The following GPC5 variants were observed in gnomAD, a reference collection of about 807,000 sequenced individuals.
The protein encoded by GPC5 is glypican-5.
Under a neutral mutation model 53.9 loss-of-function variants are expected in GPC5, and 47 were observed. The observed-to-expected ratio is 0.87, with a 90% confidence interval of 0.69 to 1.11. The LOEUF (loss-of-function observed/expected upper bound fraction) is 1.11, where lower values mean the gene tolerates loss of function less well. Among genes scored for constraint, GPC5 ranks in the 50% most tolerant of loss-of-function variants. The pLI is 0.00. For missense variants in GPC5, 748 were observed against 713.1 expected (o/e 1.05, Z -0.56); for synonymous variants, 286 against 263.3 (o/e 1.09, Z -0.84).
Position 92,003,974 on chromosome 13 carries a change from C to T in GPC5, c.1401+95917C>T, listed in dbSNP as rs370973169. 1.8e-4 allele frequency among the ~76,000 whole-genome samples: 28 copies of T among 152,180 alleles called. No homozygotes were observed. In the East Asian group the frequency reaches 1.9e-3, roughly 10 times the overall value. On this transcript the variant is annotated intron_variant, in intron 6 of 7. Transcript: ENST00000377067. ...AAAAAATTAAAAGATCCTCCTACCTCCTCACCAGGAGTTTTATGAAGTATA... is the reference window on the plus strand; with the variant it reads ...AAAAAATTAAAAGATCCTCCTACCTTCTCACCAGGAGTTTTATGAAGTATA...
At chr13:92,236,643 T>G (rs1294807535) in intron 7 of GPC5, among the ~76,000 whole-genome samples, 2 of 152,188 alleles carry the variant, frequency 1.3e-5, no homozygotes, top group African/African-American at 4.8e-5. Context: ...CTATTTTACC[T>G]TTCAACATTC....
At chr13:92,379,535 C>G (rs981979314) in intron 7 of GPC5, among the ~76,000 whole-genome samples, 3 of 151,080 alleles carry the variant, frequency 2.0e-5, no homozygotes, top group African/African-American at 7.4e-5. Flanking sequence ...TCTGTTTCCT[C>G]TGCATAGTTC....
intron 7 of GPC5, among the ~76,000 whole-genome samples, chr13:92,641,687 A>G (rs1464244136): frequency 6.6e-6 from 1 of 152,168 alleles, no homozygotes; most frequent in Admixed American, 6.6e-5. Flanking sequence ...CTGTTCCTAC[A>G]GTAGCTTTTA....
At chr13:91,773,804 C>G in intron 5 of GPC5, among the ~76,000 whole-genome samples, 1 of 152,190 alleles carries the variant, frequency 6.6e-6, no homozygotes. Flanking sequence ...CAAGTCAACA[C>G]AGAAAGCCTC....
chr13:92,495,457 C>G (rs1343273900), intron 7 of GPC5, among the ~76,000 whole-genome samples: 3 of 152,090 alleles, frequency 2.0e-5, no homozygotes, highest in Admixed American at 2.0e-4. Context: ...ATATTTTTAT[C>G]TACAGAAAAT....
In GPC5 at chr13:92,236,721, A is replaced by G. The variant is rs923382414; in HGVS notation, c.1561+91732A>G. ...GCATATCATCACGAATTAATAAAAT[A>G]CAGATGTGTATCATGTTGATTTAAC... On this transcript the variant is annotated intron_variant, in intron 7 of 7. Coordinates refer to ENST00000377067, the MANE Select transcript of GPC5 (RefSeq NM_004466.6). Among the ~76,000 whole-genome samples the G allele has an allele frequency of 2.0e-5, 3 of 152,284 alleles. No homozygotes were observed. The East Asian group carries it at 5.8e-4, about 29-fold the overall frequency.
intron 1 of GPC5, among the ~76,000 whole-genome samples, chr13:91,419,227 C>T (rs1337432480): frequency 6.6e-6 from 1 of 151,916 alleles, no homozygotes; most frequent in Non-Finnish European, 1.5e-5. Context: ...TATATTCTAG[C>T]TCTTTTGATA....
intron 6 of GPC5, among the ~76,000 whole-genome samples, chr13:92,084,729 T>C (rs775730639): frequency 2.6e-5 from 4 of 152,214 alleles, no homozygotes; most frequent in Non-Finnish European, 4.4e-5. Context: ...CAACATTTGG[T>C]ATATATTTGT....
intron 7 of GPC5, among the ~76,000 whole-genome samples, chr13:92,220,471 A>C (rs1159653735): frequency 6.6e-6 from 1 of 152,198 alleles, no homozygotes; most frequent in Admixed American, 6.5e-5. Context: ...CAGAGTTGTA[A>C]CAAAGATTAA....
chr13:92,175,791 GA>G (rs68046649), intron 7 of GPC5, among the ~76,000 whole-genome samples: 13,940 of 148,434 alleles, frequency 0.094, 775 homozygotes, highest in Non-Finnish European at 0.12. Flanking sequence ...ATTCCTCAAA[GA>G]AAAAAAAAAC....
chr13:92,346,331 G>A (rs948212063), intron 7 of GPC5, among the ~76,000 whole-genome samples: 1 of 152,156 alleles, frequency 6.6e-6, no homozygotes, highest in African/African-American at 2.4e-5. Context: ...AAATACATCT[G>A]CTTCCTAGCC....
At chr13:92,643,359 C>T (rs986915878) in intron 7 of GPC5, among the ~76,000 whole-genome samples, 16 of 152,116 alleles carry the variant, frequency 1.1e-4, no homozygotes, top group Non-Finnish European at 1.6e-4. Context: ...CCATTTGACC[C>T]AGCCATCCCA....
intron 6 of GPC5, among the ~76,000 whole-genome samples, chr13:92,062,892 C>T (rs2041136301): frequency 1.3e-5 from 2 of 152,034 alleles, no homozygotes; most frequent in South Asian, 4.2e-4. Flanking sequence ...CCCCTAATTG[C>T]TGGAGATACA....
At chr13:92,431,390 C>CTTTTTT (rs3064652) in intron 7 of GPC5, among the ~76,000 whole-genome samples, 3 of 137,342 alleles carry the variant, frequency 2.2e-5, no homozygotes, top group East Asian at 2.2e-4. Context: ...AAAGACACAG[C>CTTTTTT]TTTTTTTTTT....
intron 7 of GPC5, among the ~76,000 whole-genome samples, chr13:92,467,607 G>A (rs1878747932): frequency 6.6e-6 from 1 of 151,898 alleles, no homozygotes; most frequent in African/African-American, 2.4e-5. Context: ...TTATTTCACA[G>A]GTGAAGAAAC....
At chr13:92,554,552 A>C (rs1306580381) in intron 7 of GPC5, among the ~76,000 whole-genome samples, 1 of 151,550 alleles carries the variant, frequency 6.6e-6, no homozygotes, top group African/African-American at 2.4e-5. Context: ...TATTTTAAAA[A>C]CTTAATGAAA....
rs569973878 is a variant in GPC5, at chr13:92,510,597, A to G, written c.1562-355685A>G. 2.0e-5 allele frequency among the ~76,000 whole-genome samples: 3 copies of G among 152,304 alleles called. No individual in the cohort carries two copies. The South Asian group carries it at 6.2e-4, about 32-fold the overall frequency. Reference sequence around the variant, plus strand: ...GCCTCAGGACATTCAGTCTTCTGTTACGGAATTTATGGAATCTGAGCTCTC... The same window carrying G: ...GCCTCAGGACATTCAGTCTTCTGTTGCGGAATTTATGGAATCTGAGCTCTC... On this transcript the variant is annotated intron_variant, in intron 7 of 7. Transcript: ENST00000377067.
chr13:91,985,831 A>G (rs1465956769), intron 6 of GPC5, among the ~76,000 whole-genome samples: 1 of 152,130 alleles, frequency 6.6e-6, no homozygotes, highest in Non-Finnish European at 1.5e-5. Context: ...ACAACACCAC[A>G]TAGTGTATCT....
chr13:92,331,838 A>C (rs1053376468), intron 7 of GPC5, among the ~76,000 whole-genome samples: 1 of 152,128 alleles, frequency 6.6e-6, no homozygotes, highest in Non-Finnish European at 1.5e-5. Flanking sequence ...ATTAGAGATG[A>C]GTATTTTACA....
Sources: gnomAD v4.1 joint callset for allele counts (sites outside exome capture counted in the v4.1 genomes callset) on GRCh38, gnomAD v4.1.1 for gene constraint, MANE v1.5 for transcripts, NCBI Gene and HGNC (gene_info 2026-07-23, HGNC 2026-07-21) for gene names.